ZRANB1: variants seen among roughly 807,000 people sequenced by gnomAD.
ZRANB1 encodes the protein zinc finger RANBP2-type containing 1.
In ZRANB1, 16 loss-of-function variants were observed where a neutral mutation model predicts 80.5. The observed-to-expected ratio is 0.20, with a 90% CI of 0.13 to 0.30. ZRANB1 has a LOEUF of 0.30. Among genes scored for constraint, ZRANB1 ranks in the 10% least tolerant of loss-of-function variants. The pLI is 1.00. For missense variants in ZRANB1, 576 were observed against 862.6 expected (o/e 0.67, Z 4.16); for synonymous variants, 291 against 293.1 (o/e 0.99, Z 0.07).
At chr10:124,944,340 A>G (rs1447731229) in intron 1 of ZRANB1, among the ~76,000 whole-genome samples, 2 of 152,282 alleles carry the variant, frequency 1.3e-5, no homozygotes. Context: ...CCTTAGCTGT[A>G]TGTTTTCCCT....
Position 124,964,790 on chromosome 10 carries a change from G to A in ZRANB1, c.815-1804G>A, listed in dbSNP as rs1589849367. 2.0e-5 allele frequency among the ~76,000 whole-genome samples: 3 copies of A among 152,306 alleles called. No individual in the cohort carries two copies. The East Asian group carries it at 5.8e-4, about 29-fold the overall frequency. ...GCTATGTATACCTGAGAATAGTCAA[G>A]GGCTTTGATAGGTCTGAAGGGAAAG... On this transcript the variant is annotated intron_variant, in intron 1 of 8. Transcript: ENST00000359653.
chr10:124,966,737 A>C lies in ZRANB1; in HGVS notation c.958A>C (p.Ile320Leu). Residue 320 changes from isoleucine (I) to leucine (L), a missense_variant, in exon 2 of 9, where the codon ATA (isoleucine) becomes CTA (leucine). Around this residue, in one of 3 missense-constraint regions of ZRANB1, gnomAD observed 411 missense variants for 583.1 expected, o/e 0.70. Coordinates refer to ENST00000359653, the MANE Select transcript of ZRANB1 (RefSeq NM_017580.3). ...TGGCTATACTCTTGTACACTTGGCT[A>C]TACGTTTTCAGAGGCAGGATATGCT... Reference protein sequence around the residue: ...DVGYTLVHLAIRFQRQDMLAI... With the variant: ...DVGYTLVHLALRFQRQDMLAI... 1 of 1,614,116 alleles carries C rather than the reference A, an allele frequency of 6.2e-7. No individual in the cohort carries two copies. The highest frequency in any genetic ancestry group is 8.5e-7 in the Non-Finnish European group (1 of 1,179,984).
At chr10:124,921,589 T>C in the ZRANB1 span, among the ~76,000 whole-genome samples, 1 of 152,232 alleles carries the variant, frequency 6.6e-6, no homozygotes, top group African/African-American at 2.4e-5. Context: ...TGTGGAAACC[T>C]GTCCTCTTTC....
At position 124,952,790 on chromosome 10, in the gene ZRANB1, T is replaced by C. The variant is rs554219040; in HGVS notation, c.814+9483T>C. 2.0e-5 allele frequency among the ~76,000 whole-genome samples: 3 copies of C among 152,244 alleles called. No individual in the cohort carries two copies. In the East Asian group the frequency reaches 5.8e-4, roughly 29 times the overall value. ...CATTCCCAGCTAATTTTTGTATTTT[T>C]AGTAGAGACGGGTTTCACCATGTTG... is the stretch of plus-strand genomic sequence containing the variant. On this transcript the variant is annotated intron_variant, in intron 1 of 8. Coordinates refer to ENST00000359653, the MANE Select transcript of ZRANB1 (RefSeq NM_017580.3).
chr10:124,972,083 T>G lies in ZRANB1; in HGVS notation c.1121T>G (p.Phe374Cys). ...AGAAAGGGGGATTTTGCTTGCTATT[T>G]TCTGACTGACCTTGTAACATTTACA... Reference protein sequence around the residue: ...HQRKGDFACYFLTDLVTFTLP... With the variant: ...HQRKGDFACYCLTDLVTFTLP... Residue 374 changes from phenylalanine (F) to cysteine (C), a missense_variant, in exon 3 of 9, where the codon TTT (phenylalanine) becomes TGT (cysteine). This residue lies in a region of ZRANB1 where 411 missense variants were observed against 583.1 expected (regional missense o/e 0.70). Coordinates refer to ENST00000359653, the MANE Select transcript of ZRANB1 (RefSeq NM_017580.3). 1 of 1,613,916 alleles carries G rather than the reference T, an allele frequency of 6.2e-7. No individual in the cohort carries two copies. The highest frequency in any genetic ancestry group is 1.1e-5 in the South Asian group (1 of 90,996).
chr10:124,957,272 T>C (rs961425153), intron 1 of ZRANB1, among the ~76,000 whole-genome samples: 2 of 152,150 alleles, frequency 1.3e-5, no homozygotes, highest in Non-Finnish European at 2.9e-5. Context: ...TTAGATTCAG[T>C]TTAAACATTT....
At chr10:124,930,451 A>T in the ZRANB1 span, among the ~76,000 whole-genome samples, 1 of 152,138 alleles carries the variant, frequency 6.6e-6, no homozygotes, top group Non-Finnish European at 1.5e-5. Flanking sequence ...TTTTTAGTAG[A>T]GACAGGGTTT....
the ZRANB1 span, chr10:124,917,289 G>C: frequency 6.6e-6 from 1 of 152,438 alleles, no homozygotes; most frequent in African/African-American, 2.4e-5. Flanking sequence ...GGGCCCCGGG[G>C]GGCGCCCCAC....
chr10:124,967,947 G>A (rs1187645656), intron 2 of ZRANB1, among the ~76,000 whole-genome samples: 1 of 150,912 alleles, frequency 6.6e-6, no homozygotes, highest in Non-Finnish European at 1.5e-5. Flanking sequence ...TGCCCAGGCT[G>A]TAGTATAGTG....
the ZRANB1 span, among the ~76,000 whole-genome samples, chr10:124,928,886 CT>C: frequency 6.6e-6 from 1 of 152,120 alleles, no homozygotes; most frequent in Non-Finnish European, 1.5e-5. Flanking sequence ...TGTGGAAAAT[CT>C]GGGGAAATAA....
chr10:124,922,701 G>T, the ZRANB1 span, among the ~76,000 whole-genome samples: 2 of 151,542 alleles, frequency 1.3e-5, no homozygotes, highest in African/African-American at 2.4e-5. Context: ...TCACCGTGTT[G>T]GCCCGGCTGG....
At chr10:124,919,542 A>G in the ZRANB1 span, among the ~76,000 whole-genome samples, 1 of 150,454 alleles carries the variant, frequency 6.6e-6, no homozygotes, top group East Asian at 2.0e-4. Flanking sequence ...GCAGGACTCC[A>G]TTTCAAAACA....
intron 1 of ZRANB1, chr10:124,946,008 C>G (rs1404525297): frequency 6.6e-6 from 1 of 152,094 alleles, no homozygotes; most frequent in Non-Finnish European, 1.5e-5. Flanking sequence ...AGGCTGGCAT[C>G]TTATTCCTGT....
the ZRANB1 span, among the ~76,000 whole-genome samples, chr10:124,933,365 CTGACCTCG>C: frequency 6.6e-6 from 1 of 152,048 alleles, no homozygotes; most frequent in Non-Finnish European, 1.5e-5. Context: ...TCTCAAACTC[CTGACCTCG>C]TGATCCACCT....
rs1951936599 is a variant in ZRANB1, at chr10:124,981,806, T to C, written c.1525T>C (p.Phe509Leu). 6.2e-7 allele frequency: 1 copy of C among 1,613,662 alleles called. No individual in the cohort carries two copies. Among genetic ancestry groups the C allele is most frequent in the African/African-American group, 1.3e-5 (1 of 74,890 alleles). Residue 509 changes from phenylalanine (F) to leucine (L), a missense_variant, in exon 6 of 9, where the codon TTT becomes CTT. Coordinates refer to ENST00000359653, the MANE Select transcript of ZRANB1 (RefSeq NM_017580.3). ...REEQWQEDWA[F>L]ILSLASQPGA... Reference sequence around the variant, plus strand: ...AGAACAGTGGCAAGAAGACTGGGCATTTATACTCTCTCTTGCTAGTCAGGT... The same window carrying C: ...AGAACAGTGGCAAGAAGACTGGGCACTTATACTCTCTCTTGCTAGTCAGGT...
chr10:124,971,875 G>T, intron 2 of ZRANB1, 90 bp from the exon 3 acceptor site: 1 of 1,279,038 alleles, frequency 7.8e-7, no homozygotes, highest in Non-Finnish European at 1.0e-6. Context: ...TGAGTTATTG[G>T]GAAATTTTGC....
chr10:124,957,502 C>T (rs1241446131), intron 1 of ZRANB1, among the ~76,000 whole-genome samples: 1 of 152,090 alleles, frequency 6.6e-6, no homozygotes, highest in Non-Finnish European at 1.5e-5. Context: ...CTACCATTCT[C>T]TCTAGAGCTT....
chr10:124,956,561 C>G (rs995765697), intron 1 of ZRANB1, among the ~76,000 whole-genome samples: 16 of 152,262 alleles, frequency 1.1e-4, no homozygotes, highest in African/African-American at 3.4e-4. Context: ...CTCTGCCTCC[C>G]AGGCTCCAGC....
chr10:124,923,836 G>C, the ZRANB1 span, among the ~76,000 whole-genome samples: 4,077 of 151,724 alleles, frequency 0.027, 229 homozygotes, highest in African/African-American at 0.093. Context: ...CTTCCCACCG[G>C]GTCCCTCCCT....
Sources: allele counts gnomAD v4.1 joint callset (sites outside exome capture counted in the v4.1 genomes callset), GRCh38; gene constraint gnomAD v4.1.1; regional missense constraint gnomAD v4.1.1; transcripts MANE v1.5; gene names NCBI Gene and HGNC (gene_info 2026-07-23, HGNC 2026-07-21).